Variants in IL4R observed in about 807,000 individuals in gnomAD.
The protein encoded by IL4R is interleukin 4 receptor.
A neutral mutation model predicts 41.5 loss-of-function variants in IL4R; 17 were observed. The observed-to-expected ratio is 0.41, with a 90% CI of 0.28 to 0.61. The LOEUF (loss-of-function observed/expected upper bound fraction) is 0.61, where lower values mean the gene tolerates loss of function less well. Ranked by LOEUF, IL4R falls within the 20% of genes least tolerant of loss-of-function variation. IL4R has a pLI of 0.31. For missense variants in IL4R, 974 were observed against 1,043.1 expected, an observed-to-expected ratio of 0.93 and a Z score of 0.91; for synonymous variants, 402 against 422.9, an observed-to-expected ratio of 0.95 and a Z score of 0.61.
rs145471481 is a variant in IL4R at position 27,335,431 on chromosome 16, G to T, written c.-18-4755G>T. Among the ~76,000 whole-genome samples the T allele has an allele frequency of 2.3e-4, 35 of 152,044 alleles. 1 individual carries two copies. Among genetic ancestry groups the T allele is most frequent in the African/African-American group, 8.4e-4 (35 of 41,484 alleles). On this transcript the variant is annotated intron_variant, in intron 2 of 10. Transcript: ENST00000395762. Reference sequence around the variant, plus strand: ...TGCCCAGGCTGGAGTGCGGTGGTGCGATCATAGCTCACTGCAGCCTCCAAC... The same window carrying T: ...TGCCCAGGCTGGAGTGCGGTGGTGCTATCATAGCTCACTGCAGCCTCCAAC...
At chr16:27,344,044 G>T (rs879629506) in intron 4 of IL4R, among the ~76,000 whole-genome samples, 7 of 151,942 alleles carry the variant, frequency 4.6e-5, no homozygotes, top group Non-Finnish European at 8.8e-5. Context: ...GTGGCTCGCG[G>T]CTGTAATCCC....
intron 2 of IL4R, among the ~76,000 whole-genome samples, chr16:27,337,840 C>T (rs1423380909): frequency 6.6e-6 from 1 of 151,786 alleles, no homozygotes; most frequent in Non-Finnish European, 1.5e-5. Flanking sequence ...ATGTGAGCCA[C>T]CACGCCCGGC....
At chr16:27,351,788 T>G (rs548217552) in intron 6 of IL4R, among the ~76,000 whole-genome samples, 69 of 152,318 alleles carry the variant, frequency 4.5e-4, no homozygotes, top group African/African-American at 1.6e-3. Context: ...GTGCTGGGAT[T>G]ACAGGCATGA....
At chr16:27,337,139 G>A (rs2085284910) in intron 2 of IL4R, among the ~76,000 whole-genome samples, 1 of 151,614 alleles carries the variant, frequency 6.6e-6, no homozygotes, top group South Asian at 2.1e-4. Context: ...AGAAGTGTAG[G>A]TGGCAGGCGT....
chr16:27,335,363 C>G (rs1275241414), intron 2 of IL4R, among the ~76,000 whole-genome samples: 6 of 152,100 alleles, frequency 3.9e-5, no homozygotes, highest in Admixed American at 1.3e-4. Flanking sequence ...GCTTTCCCTT[C>G]TTCCCTGTTT....
intron 2 of IL4R, among the ~76,000 whole-genome samples, chr16:27,337,531 C>G (rs1290933649): frequency 1.3e-5 from 2 of 151,800 alleles, no homozygotes; most frequent in African/African-American, 4.8e-5. Context: ...TGAAATGTTG[C>G]AGGGAATATA....
intron 2 of IL4R, among the ~76,000 whole-genome samples, chr16:27,334,687 C>T (rs1194055068): frequency 6.6e-6 from 1 of 152,118 alleles, no homozygotes; most frequent in Non-Finnish European, 1.5e-5. Flanking sequence ...GTTACTAGGA[C>T]TTGCCAAGGA....
intron 7 of IL4R, among the ~76,000 whole-genome samples, chr16:27,354,772 C>T (rs2086001758): frequency 6.6e-6 from 1 of 152,206 alleles, no homozygotes; most frequent in Non-Finnish European, 1.5e-5. Flanking sequence ...AGTACCCTGA[C>T]CCTGCCACCG....
chr16:27,355,752 G>A, intron 7 of IL4R, 56 bp from the exon 8 acceptor site: 1 of 1,278,920 alleles, frequency 7.8e-7, no homozygotes, highest in Non-Finnish European at 1.1e-6. Context: ...CTGGGAAGTG[G>A]AGCCCAGGCT....
At chr16:27,332,992 G>A (rs972713155) in intron 2 of IL4R, among the ~76,000 whole-genome samples, 16 of 151,918 alleles carry the variant, frequency 1.1e-4, no homozygotes, top group African/African-American at 3.9e-4. Context: ...CTTCCTGCTA[G>A]TGACTTCTAA....
In IL4R at chr16:27,357,559, G is replaced by A. The variant is rs539347037; in HGVS notation, c.771-1357G>A. On this transcript the variant is annotated intron_variant, in intron 8 of 10. Transcript: ENST00000395762. ...ACTCACTGCAATCTCTGCCTCCCGG[G>A]TTCAAGCGATTCTCCTGCCTTAGCC... Among the ~76,000 whole-genome samples the A allele has an allele frequency of 3.9e-5, 6 of 152,274 alleles. No homozygotes were observed. In the East Asian group the frequency reaches 5.8e-4, roughly 15 times the overall value.
chr16:27,363,939 TGAA>T lies in IL4R; in HGVS notation c.*113_*115del. On this transcript the variant is annotated 3_prime_UTR_variant, in exon 11 of 11. Coordinates refer to ENST00000395762, the MANE Select transcript of IL4R (RefSeq NM_000418.4). ...CAGGCTGGCAGATTTCCAAAAGACT[TGAA>T]GAACCATGGTATGAAGGTGATTGGC... 2 of 1,296,442 alleles carry T rather than the reference TGAA, an allele frequency of 1.5e-6. No individual in the cohort carries two copies. The highest frequency in any genetic ancestry group is 2.1e-6 in the Non-Finnish European group (2 of 944,458). 80.3% of individuals were successfully genotyped at this position (1,296,442 alleles called of 1,614,324 possible). A position where few individuals can be genotyped will look rare whatever the true frequency, so the allele number is the denominator to read the frequency against.
In IL4R at chr16:27,362,981, C is replaced by G; in HGVS notation, c.1629C>G (p.Pro543=). ...AGCTCTCTGAGCCAACCACTGTGCC[C>G]CAACCTGAGCCAGAAACCTGGGAGC... ...VPQLSEPTTV[P]QPEPETWEQI... The change falls in exon 11 of 11, where the codon CCC becomes CCG. Residue 543 remains proline, a synonymous_variant. Transcript: ENST00000395762. 1 of 1,614,122 alleles carries G rather than the reference C, an allele frequency of 6.2e-7. No individual in the cohort carries two copies. Among genetic ancestry groups the G allele is most frequent in the Non-Finnish European group, 8.5e-7 (1 of 1,180,032 alleles).
Position 27,345,042 on chromosome 16 carries a change from A to T in IL4R, c.361+22A>T, listed in dbSNP as rs1423443234. The T allele has an allele frequency of 6.9e-6, 10 of 1,445,274 alleles. No homozygotes were observed. Among genetic ancestry groups the T allele is most frequent in the Non-Finnish European group, 9.2e-6 (10 of 1,089,244 alleles). 89.5% of individuals were successfully genotyped at this position (1,445,274 alleles called of 1,614,324 possible). A position where few individuals can be genotyped will look rare whatever the true frequency, so the allele number is the denominator to read the frequency against. On this transcript the variant is annotated intron_variant, in intron 5 of 10. Transcript: ENST00000395762. This position sits in a 1 kb window ranked among gnomAD's most constrained non-coding sequence, Gnocchi z 4.5. ...CATGGTGAGCAGGGCGGAGTGCGGC[A>T]GGGGTGGCTGGGTGTGTTCCCACAG...
At chr16:27,355,456 G>A (rs899833571) in intron 7 of IL4R, 10 of 317,104 alleles carry the variant, frequency 3.2e-5, no homozygotes, top group Non-Finnish European at 6.2e-5. Context: ...AGATGAGGAT[G>A]CGGAGGCACA....
chr16:27,355,782 C>T (rs1419998503), intron 7 of IL4R, 26 bp from the exon 8 acceptor site: 3 of 1,543,614 alleles, frequency 1.9e-6, no homozygotes, highest in East Asian at 4.5e-5. Flanking sequence ...CTGACCTCAG[C>T]TCATGGCTTC....
chr16:27,314,550 C>T (rs2084575453), intron 1 of IL4R, among the ~76,000 whole-genome samples: 1 of 152,210 alleles, frequency 6.6e-6, no homozygotes, highest in Non-Finnish European at 1.5e-5. Context: ...CAAGTGAAAC[C>T]TCCCACTAAC....
intron 2 of IL4R, among the ~76,000 whole-genome samples, chr16:27,339,413 C>G (rs1475574790): frequency 2.6e-5 from 4 of 152,032 alleles, no homozygotes; most frequent in Non-Finnish European, 5.9e-5. Context: ...TTAAAGTGTT[C>G]CGGTCACTGT....
upstream of IL4R, chr16:27,313,821 G>C: frequency 1.4e-6 from 1 of 734,372 alleles, no homozygotes; most frequent in Non-Finnish European, 1.7e-6. Context: ...GCGCGAGGTG[G>C]CCGGGACCCG....
Sources: allele counts gnomAD v4.1 joint callset (sites outside exome capture counted in the v4.1 genomes callset), GRCh38; gene constraint gnomAD v4.1.1; non-coding constraint Gnocchi (gnomAD v3.1); transcripts MANE v1.5; gene names NCBI Gene and HGNC (gene_info 2026-07-23, HGNC 2026-07-21).